C2: variants seen among roughly 807,000 people sequenced by gnomAD.
The protein encoded by C2 is C3/C5 convertase.
In C2, 64 loss-of-function variants were observed where a neutral mutation model predicts 85.2. The ratio of observed to expected loss-of-function variants is 0.75; its 90% CI spans 0.61 to 0.92. C2 has a LOEUF of 0.92. Ranked by LOEUF, C2 falls within the 40% of genes least tolerant of loss-of-function variation. C2 has a pLI of 0.00. For synonymous variants in C2, 311 were observed against 370.8 expected (o/e 0.84, Z 1.85); for missense variants, 820 against 971.6 (o/e 0.84, Z 2.07).
At chr6:31,899,905 CT>C, upstream of C2, 1 of 1,551,444 alleles carries the variant, frequency 6.4e-7, no homozygotes, top group Non-Finnish European at 8.7e-7. Flanking sequence ...CCCCAGCCTC[CT>C]GGCCTCCACG....
intron 1 of C2, among the ~76,000 whole-genome samples, chr6:31,910,038 G>A (rs1251042135): frequency 6.6e-6 from 1 of 150,422 alleles, no homozygotes; most frequent in East Asian, 2.0e-4. Flanking sequence ...GCGCCACCAC[G>A]CCTGGCTAAT....
chr6:31,944,626 C>T lies in C2; in HGVS notation c.1903-101C>T, dbSNP rs1362996030. The T allele has an allele frequency of 7.7e-7, 1 of 1,305,814 alleles. No individual in the cohort carries two copies. The highest frequency in any genetic ancestry group is 1.5e-5 in the African/African-American group (1 of 68,564). 80.9% of individuals were successfully genotyped at this position (1,305,814 alleles called of 1,614,324 possible). On this transcript the variant is annotated intron_variant, in intron 15 of 17. Coordinates refer to ENST00000299367, the MANE Select transcript of C2 (RefSeq NM_000063.6). This position sits in a 1 kb window ranked among gnomAD's most constrained non-coding sequence, Gnocchi z 5.1. Reference sequence around the variant, plus strand: ...GAACTCCTGACCTCAAGTGATCTGCCTGCCTCAACCTCCCAAAGTGCTGAG... The same window carrying T: ...GAACTCCTGACCTCAAGTGATCTGCTTGCCTCAACCTCCCAAAGTGCTGAG...
chr6:31,923,621 C>G (rs1459830286), upstream of C2, among the ~76,000 whole-genome samples: 1 of 151,202 alleles, frequency 6.6e-6, no homozygotes, highest in African/African-American at 2.4e-5. Context: ...GTAGCTGGGA[C>G]TACAGGCGCC....
At chr6:31,925,897 A>T (rs891373575), upstream of C2, among the ~76,000 whole-genome samples, 1 of 152,150 alleles carries the variant, frequency 6.6e-6, no homozygotes, top group African/African-American at 2.4e-5. Context: ...CTGGTATGAC[A>T]TCAACACTGT....
At chr6:31,913,707 C>T (rs1279233192) in intron 1 of C2, among the ~76,000 whole-genome samples, 1 of 151,882 alleles carries the variant, frequency 6.6e-6, no homozygotes, top group African/African-American at 2.4e-5. Flanking sequence ...AGTGTAGTGG[C>T]GTGATCTCGG....
chr6:31,918,882 C>CA (rs9281625), upstream of C2, among the ~76,000 whole-genome samples: 34,147 of 74,116 alleles, frequency 0.46, 7,754 homozygotes, highest in East Asian at 0.62. Flanking sequence ...GACTCTGTCT[C>CA]AAAAAAAAAA....
intron 1 of C2, chr6:31,901,372 G>A: frequency 6.7e-7 from 1 of 1,501,848 alleles, no homozygotes; most frequent in Non-Finnish European, 8.9e-7. Context: ...CTGGCTCTCC[G>A]AAGCCAAGGC....
chr6:31,942,801 G>A (rs761057377), intron 9 of C2, 158 bp from the exon 10 acceptor site: 193 of 791,844 alleles, frequency 2.4e-4, no homozygotes, highest in Non-Finnish European at 3.4e-4. Context: ...GGCAGGGAGT[G>A]GCAGGAAATG....
At chr6:31,940,297 G>A (rs997669439) in intron 9 of C2, among the ~76,000 whole-genome samples, 5 of 152,120 alleles carry the variant, frequency 3.3e-5, no homozygotes, top group Non-Finnish European at 7.4e-5. Context: ...GACCACGACC[G>A]TCGTCGTTAT....
Position 31,937,458 on chromosome 6 carries a change from T to C in C2, c.1128T>C (p.Asp376=). 1.2e-6 allele frequency: 2 copies of C among 1,612,726 alleles called. No individual in the cohort carries two copies. Among genetic ancestry groups the C allele is most frequent in the African/African-American group, 1.3e-5 (1 of 74,978 alleles). ...GACATGCCATCATCCTTCTGACAGATGGTGGGTATCATGGTCTCTGAGTGT... is the reference window on the plus strand; with the variant it reads ...GACATGCCATCATCCTTCTGACAGACGGTGGGTATCATGGTCTCTGAGTGT... The part of the protein sequence containing the change: ...EIRHAIILLT[D]GKSNMGGSPK... Residue 376 remains aspartate (D), a splice_region_variant and synonymous_variant, in exon 8 of 18, where the codon GAT becomes GAC. Transcript: ENST00000299367.
At chr6:31,939,426 T>C in intron 9 of C2, 106 bp downstream of exon 9, 6 of 915,054 alleles carry the variant, frequency 6.6e-6, no homozygotes, top group Non-Finnish European at 1.1e-5. Context: ...CCACATGGTT[T>C]TATTTCTGCG....
At chr6:31,931,898 C>T (rs1582078839) in intron 3 of C2, among the ~76,000 whole-genome samples, 18 of 74,524 alleles carry the variant, frequency 2.4e-4, no homozygotes, top group East Asian at 1.4e-3. Context: ...GGGGGCTGAC[C>T]CCCCCACCTC....
At chr6:31,911,458 A>G (rs1768093853) in intron 1 of C2, among the ~76,000 whole-genome samples, 1 of 152,298 alleles carries the variant, frequency 6.6e-6, no homozygotes, top group South Asian at 2.1e-4. Context: ...TTTAGATAGC[A>G]GCATAAAAAC....
chr6:31,943,436 C>A lies in C2; in HGVS notation c.1476C>A (p.Cys492Ter), dbSNP rs1266744092. The A allele has an allele frequency of 4.3e-6, 7 of 1,612,936 alleles. No homozygotes were observed. In the African/African-American group the frequency reaches 9.3e-5, roughly 22 times the overall value. ...VTIKPKSQET[C>*]RGALISDQWV... ...TGCAGCCCAAGAGCCAAGAGACCTG[C>A]CGGGGGGCCCTCATCTCCGACCAAT... The change falls in exon 12 of 18, where the codon TGC becomes TGA. Residue 492 changes from cysteine (C) to a stop codon, truncating the protein, a stop_gained. Coordinates refer to ENST00000299367, the MANE Select transcript of C2 (RefSeq NM_000063.6). LOFTEE classifies it high-confidence loss of function. This position sits in a 1 kb window ranked among gnomAD's most constrained non-coding sequence, Gnocchi z 6.4.
chr6:31,918,448 A>G (rs888310103), upstream of C2, among the ~76,000 whole-genome samples: 1 of 151,922 alleles, frequency 6.6e-6, no homozygotes, highest in Non-Finnish European at 1.5e-5. Context: ...TGAATAAATT[A>G]GCTGGGCATG....
chr6:31,914,458 G>A, intron 1 of C2, among the ~76,000 whole-genome samples: 1 of 151,596 alleles, frequency 6.6e-6, no homozygotes, highest in Non-Finnish European at 1.5e-5. Context: ...GGGCGTAGTG[G>A]TGTATGCCTG....
chr6:31,915,678 C>CA (rs1768453550), upstream of C2, among the ~76,000 whole-genome samples: 2 of 152,202 alleles, frequency 1.3e-5, no homozygotes. Context: ...GAGGCTCCAT[C>CA]AAAAGAGGGT....
Position 31,945,331 on chromosome 6 carries a change from G to T in C2, c.2233G>T (p.Asp745Tyr), listed in dbSNP as rs768645892. The T allele has an allele frequency of 2.3e-5, 37 of 1,612,834 alleles. No homozygotes were observed. Among genetic ancestry groups the T allele is most frequent in the Non-Finnish European group, 3.1e-5 (36 of 1,180,022 alleles). The part of the protein sequence containing the change: ...MQPWLRQHLG[D>Y]VLNFLPL ...GCCCTGGCTGAGGCAGCACCTGGGG[G>T]ATGTCCTGAATTTTTTACCCCTCTA... The change falls in exon 18 of 18, where the codon GAT (aspartate) becomes TAT (tyrosine). Residue 745 changes from aspartate (D) to tyrosine (Y), a missense_variant. Coordinates refer to ENST00000299367, the MANE Select transcript of C2 (RefSeq NM_000063.6). This position sits in a 1 kb window ranked among gnomAD's most constrained non-coding sequence, Gnocchi z 5.3.
upstream of C2, chr6:31,897,891 G>A: frequency 1.9e-6 from 2 of 1,060,290 alleles, no homozygotes; most frequent in South Asian, 9.1e-5. Context: ...GGGACCGAGG[G>A]CGAGACACGC....
Sources: allele counts gnomAD v4.1 joint callset (sites outside exome capture counted in the v4.1 genomes callset), GRCh38; gene constraint gnomAD v4.1.1; non-coding constraint Gnocchi (gnomAD v3.1); transcripts MANE v1.5; gene names NCBI Gene and HGNC (gene_info 2026-07-23, HGNC 2026-07-21).